HAPLN1: variants seen among roughly 807,000 people sequenced by gnomAD.
HAPLN1 encodes the protein hyaluronan and proteoglycan link protein 1, also known as Cartilage link protein.
In HAPLN1, 13 loss-of-function variants were observed where a neutral mutation model predicts 36.5. That is an observed-to-expected ratio of 0.36 (90% CI 0.23 to 0.57). HAPLN1 has a LOEUF of 0.57. Ranked by LOEUF, HAPLN1 falls within the 20% of genes least tolerant of loss-of-function variation. The pLI, the probability that HAPLN1 is intolerant of heterozygous loss-of-function variation, is 0.83. For missense variants in HAPLN1, 407 were observed against 439.7 expected, an observed-to-expected ratio of 0.93 and a Z score of 0.66; for synonymous variants, 202 against 169.8, an observed-to-expected ratio of 1.19 and a Z score of -1.48.
In HAPLN1 at chr5:83,714,129, C is replaced by G. The variant is rs74974877; in HGVS notation, c.-27+6660G>C. Among the ~76,000 whole-genome samples the G allele has an allele frequency of 1.7e-4, 26 of 152,228 alleles. No homozygotes were observed. The East Asian group carries it at 4.6e-3, about 27-fold the overall frequency. ...CCCATGTTCTGCACTGTGCTGGACA[C>G]CAACAGCGGCAACAGGATGTCAGGC... On this transcript the variant is annotated intron_variant, in intron 1 of 4. Coordinates refer to ENST00000274341, the MANE Select transcript of HAPLN1 (RefSeq NM_001884.4).
At chr5:83,670,813 G>A (rs1441815820) in intron 2 of HAPLN1, among the ~76,000 whole-genome samples, 1 of 151,948 alleles carries the variant, frequency 6.6e-6, no homozygotes, top group Non-Finnish European at 1.5e-5. Context: ...TCCTGCCTCA[G>A]CCTCCTGAGT....
intron 3 of HAPLN1, among the ~76,000 whole-genome samples, chr5:83,649,437 G>GTTTT (rs111884104): frequency 2.0e-5 from 3 of 150,550 alleles, no homozygotes; most frequent in African/African-American, 7.4e-5. Flanking sequence ...CAAGTATCTG[G>GTTTT]TTTTTTTTTG....
chr5:83,693,128 A>T (rs559104111), intron 1 of HAPLN1, among the ~76,000 whole-genome samples: 54 of 152,046 alleles, frequency 3.6e-4, no homozygotes, highest in African/African-American at 1.1e-3. Context: ...TTATATGAGT[A>T]TGGCCTCTCT....
At chr5:83,676,962 G>A (rs903405489) in intron 1 of HAPLN1, among the ~76,000 whole-genome samples, 1 of 152,186 alleles carries the variant, frequency 6.6e-6, no homozygotes, top group Non-Finnish European at 1.5e-5. Flanking sequence ...TGATTTGGAA[G>A]CAATATACCT....
chr5:83,691,109 A>T (rs955172018), intron 1 of HAPLN1, among the ~76,000 whole-genome samples: 1 of 152,066 alleles, frequency 6.6e-6, no homozygotes, highest in African/African-American at 2.4e-5. Flanking sequence ...AAAACAAATG[A>T]GGTGAGTCAT....
intron 1 of HAPLN1, among the ~76,000 whole-genome samples, chr5:83,684,222 G>A (rs964964935): frequency 2.6e-5 from 4 of 152,068 alleles, no homozygotes; most frequent in South Asian, 2.1e-4. Context: ...TATCTCAGGG[G>A]CACCTAAATT....
chr5:83,670,925 C>T (rs1750697799), intron 2 of HAPLN1, among the ~76,000 whole-genome samples: 1 of 152,118 alleles, frequency 6.6e-6, no homozygotes, highest in African/African-American at 2.4e-5. Context: ...AAACCCCTGA[C>T]CTCGTGATCC....
intron 2 of HAPLN1, among the ~76,000 whole-genome samples, chr5:83,659,137 G>C (rs193041672): frequency 6.6e-6 from 1 of 152,088 alleles, no homozygotes; most frequent in Admixed American, 6.5e-5. Context: ...AGCCAGGCAT[G>C]GTGGTGCACA....
At position 83,644,583 on chromosome 5, in the gene HAPLN1, A is replaced by G; in HGVS notation, c.555T>C (p.Asp185=). 6.3e-7 allele frequency: 1 copy of G among 1,585,224 alleles called. No homozygotes were observed. The highest frequency in any genetic ancestry group is 8.6e-7 in the Non-Finnish European group (1 of 1,165,976). The change falls in exon 4 of 5, where the codon GAT becomes GAC. Residue 185 remains aspartate (D), a synonymous_variant. Transcript: ENST00000274341. ...GCTGGTCGAAGGAGGCGATCACAGCATCCTGGTCCAGACACGCCTGCTGCG... is the reference window on the plus strand; with the variant it reads ...GCTGGTCGAAGGAGGCGATCACAGCGTCCTGGTCCAGACACGCCTGCTGCG... ...HEAQQACLDQ[D]AVIASFDQLY...
Position 83,641,499 on chromosome 5 carries a change from G to A in HAPLN1, c.1062C>T (p.Asn354=), listed in dbSNP as rs766503963. 6.9e-6 allele frequency: 11 copies of A among 1,599,132 alleles called. No individual in the cohort carries two copies. Among genetic ancestry groups the A allele is most frequent in the Non-Finnish European group, 6.8e-6 (8 of 1,169,788 alleles). The change falls in exon 5 of 5, where the codon AAC becomes AAT. Residue 354 remains asparagine, a synonymous_variant. Coordinates refer to ENST00000274341, the MANE Select transcript of HAPLN1 (RefSeq NM_001884.4). The part of the protein sequence containing the change: ...LYGVYCFRAY[N] ...CTGATGCGCTCTAAGGGCACATTCA[G>A]TTGTATGCTCTGAAGCAGTAGACAC...
At chr5:83,710,432 T>C (rs929113300) in intron 1 of HAPLN1, among the ~76,000 whole-genome samples, 6 of 151,830 alleles carry the variant, frequency 4.0e-5, no homozygotes, top group Non-Finnish European at 7.4e-5. Context: ...AAAAAAGTAA[T>C]TGTTGACCTT....
At chr5:83,684,098 C>T (rs1751066305) in intron 1 of HAPLN1, among the ~76,000 whole-genome samples, 1 of 151,896 alleles carries the variant, frequency 6.6e-6, no homozygotes, top group African/African-American at 2.4e-5. Context: ...CAGCATGGCC[C>T]CTGAGAATGG....
intron 1 of HAPLN1, among the ~76,000 whole-genome samples, chr5:83,700,217 AACC>A (rs1423256771): frequency 4.6e-5 from 7 of 150,604 alleles, no homozygotes; most frequent in African/African-American, 1.2e-4. Flanking sequence ...AAAAAAAGAC[AACC>A]ACCACCACCA....
chr5:83,710,524 A>G (rs1751756341), intron 1 of HAPLN1, among the ~76,000 whole-genome samples: 1 of 152,130 alleles, frequency 6.6e-6, no homozygotes, highest in Non-Finnish European at 1.5e-5. Context: ...GAGGGGATAG[A>G]CAGTGAACAT....
chr5:83,671,137 A>G (rs74405907), intron 2 of HAPLN1, among the ~76,000 whole-genome samples: 1,625 of 152,324 alleles, frequency 0.011, 26 homozygotes, highest in African/African-American at 0.037. Context: ...AAAATGTATC[A>G]TTAAAATGTT....
chr5:83,659,579 A>C (rs922765653), intron 2 of HAPLN1, among the ~76,000 whole-genome samples: 1 of 152,126 alleles, frequency 6.6e-6, no homozygotes, highest in African/African-American at 2.4e-5. Flanking sequence ...GCATAAACTA[A>C]ATAAAAATCT....
chr5:83,709,404 T>C (rs1159281), intron 1 of HAPLN1, among the ~76,000 whole-genome samples: 55,605 of 151,916 alleles, frequency 0.37, 10,433 homozygotes, highest in Non-Finnish European at 0.41. Flanking sequence ...GGTCTATTTC[T>C]ATTTTCTGTT....
At chr5:83,700,022 C>T (rs1005865717) in intron 1 of HAPLN1, among the ~76,000 whole-genome samples, 2 of 151,798 alleles carry the variant, frequency 1.3e-5, no homozygotes, top group African/African-American at 4.8e-5. Flanking sequence ...GGTGAAAACC[C>T]GTCTCTACTA....
At chr5:83,699,575 A>G (rs1336794709) in intron 1 of HAPLN1, among the ~76,000 whole-genome samples, 2 of 152,212 alleles carry the variant, frequency 1.3e-5, no homozygotes, top group African/African-American at 2.4e-5. Flanking sequence ...GTATGCTTAC[A>G]TGTTTTTCCA....
Sources: gnomAD v4.1 joint callset for allele counts (sites outside exome capture counted in the v4.1 genomes callset) on GRCh38, gnomAD v4.1.1 for gene constraint, MANE v1.5 for transcripts, NCBI Gene and HGNC (gene_info 2026-07-23, HGNC 2026-07-21) for gene names.